Variants in MME observed in about 807,000 individuals in gnomAD.
MME encodes the protein neprilysin.
MME carries 98 observed loss-of-function variants against 113.2 expected under a neutral mutation model. That is an observed-to-expected ratio of 0.87 (90% CI 0.74 to 1.02). MME has a LOEUF of 1.02. Among genes scored for constraint, MME ranks in the 50% least tolerant of loss-of-function variants. The pLI, the probability that MME is intolerant of heterozygous loss-of-function variation, is 0.00. For synonymous variants in MME, 292 were observed against 300.6 expected (o/e 0.97, Z 0.30); for missense variants, 836 against 896.0 (o/e 0.93, Z 0.86).
chr3:155,128,095 T>G (rs893245741), intron 8 of MME, among the ~76,000 whole-genome samples: 2 of 152,248 alleles, frequency 1.3e-5, no homozygotes, highest in African/African-American at 2.4e-5. Context: ...AAGGTAGTGC[T>G]TCAAGCTGTA....
chr3:155,026,787 A>C (rs1712801643), intron 1 of MME, among the ~76,000 whole-genome samples: 1 of 152,094 alleles, frequency 6.6e-6, no homozygotes, highest in African/African-American at 2.4e-5. Context: ...TAATACCCTC[A>C]TCCAGCTATC....
intron 20 of MME, among the ~76,000 whole-genome samples, chr3:155,169,689 A>G (rs534628755): frequency 5.3e-5 from 8 of 152,204 alleles, no homozygotes; most frequent in Non-Finnish European, 1.2e-4. Context: ...GTCACAAGGA[A>G]CAACTTGTTC....
intron 3 of MME, among the ~76,000 whole-genome samples, chr3:155,109,656 T>G (rs1488000799): frequency 6.6e-6 from 1 of 152,164 alleles, no homozygotes; most frequent in Non-Finnish European, 1.5e-5. Context: ...TCCCCCTGAC[T>G]GCACATTAGA....
At position 155,101,213 on chromosome 3, in the gene MME, C is replaced by T. The variant is rs140182750; in HGVS notation, c.197-13781C>T. Among the ~76,000 whole-genome samples the T allele has an allele frequency of 2.2e-3, 331 of 152,316 alleles. 2 individuals carry two copies. In the East Asian group the frequency reaches 0.026, roughly 12 times the overall value. On this transcript the variant is annotated intron_variant, in intron 3 of 22. Transcript: ENST00000360490. ...GGTGTTATGCTTCCTGTACAGCCTG[C>T]AGAGCCATGAGCCAATTAAACCTCT...
At chr3:155,176,689 G>A (rs1712551461) in intron 22 of MME, among the ~76,000 whole-genome samples, 1 of 152,046 alleles carries the variant, frequency 6.6e-6, no homozygotes, top group Non-Finnish European at 1.5e-5. Context: ...ACCCAGGCAT[G>A]CTGGTACATG....
intron 16 of MME, among the ~76,000 whole-genome samples, chr3:155,149,186 C>T (rs1297990918): frequency 2.6e-5 from 4 of 152,132 alleles, no homozygotes; most frequent in Admixed American, 2.6e-4. Flanking sequence ...TTATTAGTGA[C>T]ATTAGTATTT....
chr3:155,124,704 G>T (rs1196117755), intron 8 of MME, among the ~76,000 whole-genome samples: 1 of 151,526 alleles, frequency 6.6e-6, no homozygotes, highest in East Asian at 2.0e-4. Flanking sequence ...TGCCCCTGCT[G>T]GGGGGTGCCT....
chr3:155,050,814 T>C (rs1713735945), intron 1 of MME, among the ~76,000 whole-genome samples: 1 of 151,196 alleles, frequency 6.6e-6, no homozygotes, highest in Non-Finnish European at 1.5e-5. Flanking sequence ...TATTTTGCTG[T>C]GCAGAAGCTC....
At chr3:155,095,412 G>C (rs1716649680) in intron 3 of MME, among the ~76,000 whole-genome samples, 1 of 152,218 alleles carries the variant, frequency 6.6e-6, no homozygotes, top group Non-Finnish European at 1.5e-5. Context: ...TCGTGGACAA[G>C]CTGAACCTGG....
At chr3:155,073,791 T>A (rs1195232076) in intron 1 of MME, among the ~76,000 whole-genome samples, 2 of 152,156 alleles carry the variant, frequency 1.3e-5, no homozygotes, top group African/African-American at 4.8e-5. Context: ...AATGCCTATC[T>A]GTCTATCTAT....
intron 1 of MME, among the ~76,000 whole-genome samples, chr3:155,063,499 AAATATATATAT>A (rs1714250142): frequency 9.6e-6 from 1 of 104,542 alleles, no homozygotes; most frequent in East Asian, 2.3e-4. Flanking sequence ...ATATATATTT[AAATATATATAT>A]TTAAATATAT....
intron 3 of MME, among the ~76,000 whole-genome samples, chr3:155,109,078 C>T (rs547507619): frequency 1.2e-4 from 19 of 152,242 alleles, no homozygotes; most frequent in Admixed American, 6.5e-4. Flanking sequence ...CTATGAGCCT[C>T]ATGAGATATC....
chr3:155,029,487 T>A (rs943411790), intron 1 of MME, among the ~76,000 whole-genome samples: 3 of 152,006 alleles, frequency 2.0e-5, no homozygotes, highest in African/African-American at 4.8e-5. Flanking sequence ...AGATAAATCT[T>A]TTTTATATTT....
At chr3:155,068,974 G>A (rs1419928291) in intron 1 of MME, among the ~76,000 whole-genome samples, 1 of 152,084 alleles carries the variant, frequency 6.6e-6, no homozygotes, top group East Asian at 1.9e-4. Flanking sequence ...TGTTTGTTGG[G>A]GAATAATAAA....
chr3:155,126,894 G>A (rs1719711376), intron 8 of MME, among the ~76,000 whole-genome samples: 1 of 151,272 alleles, frequency 6.6e-6, no homozygotes, highest in African/African-American at 2.4e-5. Flanking sequence ...AGCTACTTGG[G>A]AACTTGGGAG....
intron 3 of MME, among the ~76,000 whole-genome samples, chr3:155,095,342 T>G (rs9839250): frequency 6.6e-6 from 1 of 152,114 alleles, no homozygotes. Flanking sequence ...GACTTTAAGT[T>G]AGAGAGGAGT....
intron 3 of MME, among the ~76,000 whole-genome samples, chr3:155,099,003 G>A (rs541364008): frequency 3.3e-5 from 5 of 152,118 alleles, no homozygotes; most frequent in Non-Finnish European, 7.3e-5. Context: ...ATGGTTGACT[G>A]GCAGAAGCTT....
At chr3:155,127,831 T>G (rs1320949500) in intron 8 of MME, among the ~76,000 whole-genome samples, 2 of 152,252 alleles carry the variant, frequency 1.3e-5, no homozygotes, top group Non-Finnish European at 2.9e-5. Flanking sequence ...TTCATTCTAC[T>G]ACATTATTAC....
At chr3:155,026,733 C>A (rs79795043) in intron 1 of MME, among the ~76,000 whole-genome samples, 1 of 152,042 alleles carries the variant, frequency 6.6e-6, no homozygotes, top group Non-Finnish European at 1.5e-5. Context: ...TTCCCCCCAC[C>A]TCCCCCAGAA....
Sources: gnomAD v4.1 joint callset for allele counts (sites outside exome capture counted in the v4.1 genomes callset) on GRCh38, gnomAD v4.1.1 for gene constraint, MANE v1.5 for transcripts, NCBI Gene and HGNC (gene_info 2026-07-23, HGNC 2026-07-21) for gene names.